The following BBX variants were observed in gnomAD, a reference collection of about 807,000 sequenced individuals.
BBX encodes BBX high mobility group box domain containing.
In BBX, 30 loss-of-function variants were observed where a neutral mutation model predicts 100.2. The observed-to-expected ratio is 0.30, with a 90% CI of 0.22 to 0.41. The LOEUF (loss-of-function observed/expected upper bound fraction) is 0.41. Ranked by LOEUF, BBX falls within the 10% of genes least tolerant of loss-of-function variation. The pLI is 1.00. For missense variants in BBX, 1,023 were observed against 1,129.8 expected (o/e 0.91, Z 1.35); for synonymous variants, 376 against 388.1 (o/e 0.97, Z 0.37).
In BBX at chr3:107,808,471, A is replaced by T. The variant is rs1196949526; in HGVS notation, c.*3014A>T. 1.3e-5 allele frequency: 2 copies of T among 152,332 alleles called. No individual in the cohort carries two copies. The highest frequency in any genetic ancestry group is 2.9e-5 in the Non-Finnish European group (2 of 68,028). 9.4% of individuals were successfully genotyped at this position (152,332 alleles called of 1,614,324 possible). On this transcript the variant is annotated 3_prime_UTR_variant, in exon 18 of 18. Coordinates refer to ENST00000325805, the MANE Select transcript of BBX (RefSeq NM_001142568.3). ...CTGGAAGTAGAAGATTGCGTCTCAG[A>T]TGGAGACGCAGTACTGTTCCAGTTT...
intron 5 of BBX, among the ~76,000 whole-genome samples, chr3:107,728,338 T>A (rs2063099817): frequency 6.6e-6 from 1 of 152,136 alleles, no homozygotes; most frequent in African/African-American, 2.4e-5. Flanking sequence ...GGTATTATTC[T>A]CAGTTTATGG....
At chr3:107,768,716 A>G (rs768777979) in intron 10 of BBX, among the ~76,000 whole-genome samples, 1 of 147,996 alleles carries the variant, frequency 6.8e-6, no homozygotes, top group Non-Finnish European at 1.5e-5. Flanking sequence ...TTTACATGAC[A>G]GTAAACCCAA....
chr3:107,627,422 T>C (rs2056261468), intron 2 of BBX, among the ~76,000 whole-genome samples: 2 of 152,230 alleles, frequency 1.3e-5, no homozygotes, highest in Non-Finnish European at 2.9e-5. Flanking sequence ...GTAGTTTGTT[T>C]AGAAGCTTGA....
chr3:107,664,835 G>A (rs2058657426), intron 3 of BBX, among the ~76,000 whole-genome samples: 1 of 152,178 alleles, frequency 6.6e-6, no homozygotes, highest in South Asian at 2.1e-4. Context: ...CTATTTGCAA[G>A]CTGCAGCGCT....
At chr3:107,535,973 G>A (rs545997887) in intron 2 of BBX, among the ~76,000 whole-genome samples, 3 of 152,320 alleles carry the variant, frequency 2.0e-5, no homozygotes, top group South Asian at 2.1e-4. Context: ...CATGCATAAT[G>A]TTATAAAACG....
chr3:107,568,304 G>A (rs1306858874), intron 2 of BBX, among the ~76,000 whole-genome samples: 3 of 137,614 alleles, frequency 2.2e-5, no homozygotes, highest in South Asian at 2.2e-4. Context: ...TTGCTCTGTC[G>A]CCCAGGCTGG....
At chr3:107,776,388 T>A (rs1267938427) in intron 12 of BBX, 2 of 152,234 alleles carry the variant, frequency 1.3e-5, no homozygotes, top group Non-Finnish European at 2.9e-5. Context: ...TAATCATTTC[T>A]GAGGAAGGCA....
At chr3:107,752,728 T>A (rs2065171280) in intron 9 of BBX, among the ~76,000 whole-genome samples, 1 of 152,176 alleles carries the variant, frequency 6.6e-6, no homozygotes, top group Non-Finnish European at 1.5e-5. Context: ...CAAGAGAGAC[T>A]ACAGTGGAAT....
At chr3:107,547,909 C>T (rs2049357866) in intron 2 of BBX, among the ~76,000 whole-genome samples, 1 of 152,158 alleles carries the variant, frequency 6.6e-6, no homozygotes, top group African/African-American at 2.4e-5. Flanking sequence ...TCCTTTTCTA[C>T]TTTCATCACA....
intron 3 of BBX, among the ~76,000 whole-genome samples, chr3:107,691,665 G>T (rs1174342898): frequency 6.6e-6 from 1 of 152,164 alleles, no homozygotes; most frequent in Non-Finnish European, 1.5e-5. Context: ...TGGCAAATGT[G>T]CAGGCTGATA....
chr3:107,580,302 C>G (rs866898522), intron 2 of BBX, among the ~76,000 whole-genome samples: 10 of 145,176 alleles, frequency 6.9e-5, no homozygotes, highest in African/African-American at 2.7e-4. Context: ...TCTTGTTTCT[C>G]TTGTGTGAGC....
chr3:107,673,761 A>C (rs530731181), intron 3 of BBX, among the ~76,000 whole-genome samples: 1 of 152,234 alleles, frequency 6.6e-6, no homozygotes, highest in South Asian at 2.1e-4. Flanking sequence ...AACTCTTGAA[A>C]ATTATCATAA....
intron 6 of BBX, among the ~76,000 whole-genome samples, chr3:107,731,244 A>G (rs955493511): frequency 2.6e-5 from 4 of 152,182 alleles, no homozygotes; most frequent in South Asian, 2.1e-4. Context: ...GCAAAGTCAC[A>G]TTGGTATATA....
intron 5 of BBX, among the ~76,000 whole-genome samples, chr3:107,719,247 G>A (rs955952712): frequency 6.6e-6 from 1 of 151,974 alleles, no homozygotes; most frequent in African/African-American, 2.4e-5. Context: ...TTTAGACGTT[G>A]TCCATTAGGG....
At chr3:107,715,453 C>T (rs1394723305) in intron 4 of BBX, among the ~76,000 whole-genome samples, 3 of 152,120 alleles carry the variant, frequency 2.0e-5, no homozygotes, top group Admixed American at 1.3e-4. Flanking sequence ...ACTTCTGGTC[C>T]CAAGCATTTT....
chr3:107,564,547 T>C (rs564904167), intron 2 of BBX, among the ~76,000 whole-genome samples: 59 of 152,348 alleles, frequency 3.9e-4, no homozygotes, highest in African/African-American at 1.4e-3. Context: ...TTGTGAGATG[T>C]AGATGAATCT....
At chr3:107,525,626 T>G (rs2047707691) in intron 1 of BBX, 1 of 152,452 alleles carries the variant, frequency 6.6e-6, no homozygotes, top group African/African-American at 2.4e-5. Flanking sequence ...GATGCAAACT[T>G]GATGGTGACC....
In BBX at chr3:107,805,819, T is replaced by C; in HGVS notation, c.*362T>C. The stretch of plus-strand genomic sequence containing the variant: ...ACCAGAGAGTGTGAAACTAGTTTCA[T>C]ATATTACCTAGTTATTCTTTCAAAA... On this transcript the variant is annotated 3_prime_UTR_variant, in exon 18 of 18. Transcript: ENST00000325805. 2 of 274,500 alleles carry C rather than the reference T, an allele frequency of 7.3e-6. No homozygotes were observed. The highest frequency in any genetic ancestry group is 1.4e-5 in the Non-Finnish European group (2 of 147,236). 17.0% of individuals were successfully genotyped at this position (274,500 alleles called of 1,614,324 possible).
intron 3 of BBX, among the ~76,000 whole-genome samples, chr3:107,652,634 C>G (rs536641608): frequency 6.6e-6 from 1 of 152,246 alleles, no homozygotes; most frequent in South Asian, 2.1e-4. Flanking sequence ...GGCATGGCTT[C>G]CTGCATTTAA....
Sources: allele counts gnomAD v4.1 joint callset (sites outside exome capture counted in the v4.1 genomes callset), GRCh38; gene constraint gnomAD v4.1.1; transcripts MANE v1.5; gene names NCBI Gene and HGNC (gene_info 2026-07-23, HGNC 2026-07-21).